PRR5L: variants seen among roughly 807,000 people sequenced by gnomAD.
PRR5L encodes the protein proline-rich protein 5-like.
A neutral mutation model predicts 36.4 loss-of-function variants in PRR5L; 21 were observed. The observed-to-expected ratio is 0.58, with a 90% CI of 0.41 to 0.83. The LOEUF (loss-of-function observed/expected upper bound fraction) is 0.83, where lower values mean the gene tolerates loss of function less well. PRR5L is among the 40% of genes least tolerant of loss of function. The pLI is 0.00. For missense variants in PRR5L, 381 were observed against 473.3 expected, an observed-to-expected ratio of 0.80 and a Z score of 1.81; for synonymous variants, 188 against 197.0, an observed-to-expected ratio of 0.95 and a Z score of 0.38.
At chr11:36,435,593 G>T (rs1403547874) in intron 5 of PRR5L, among the ~76,000 whole-genome samples, 1 of 152,172 alleles carries the variant, frequency 6.6e-6, no homozygotes, top group African/African-American at 2.4e-5. Flanking sequence ...GACAGAGAAT[G>T]GTGACTGAAA....
chr11:36,374,993 G>A (rs1005497587), intron 1 of PRR5L, among the ~76,000 whole-genome samples: 2 of 152,106 alleles, frequency 1.3e-5, no homozygotes, highest in African/African-American at 4.8e-5. Flanking sequence ...CCAGCTCTTT[G>A]GGAGGCCGAG....
intron 1 of PRR5L, among the ~76,000 whole-genome samples, chr11:36,326,785 C>T (rs1164436842): frequency 6.6e-6 from 1 of 151,508 alleles, no homozygotes; most frequent in Non-Finnish European, 1.5e-5. Flanking sequence ...TAAATGCCAC[C>T]TGGAAAATAT....
intron 1 of PRR5L, among the ~76,000 whole-genome samples, chr11:36,347,545 G>A (rs1299073987): frequency 6.6e-6 from 1 of 152,084 alleles, no homozygotes; most frequent in Non-Finnish European, 1.5e-5. Context: ...GATGTTTGCT[G>A]AAGACAGAGA....
intron 8 of PRR5L, among the ~76,000 whole-genome samples, chr11:36,457,106 G>A (rs560494006): frequency 2.0e-5 from 3 of 152,166 alleles, no homozygotes; most frequent in Non-Finnish European, 2.9e-5. Context: ...TGGGACCTGC[G>A]GAAATCATCT....
rs539496139 is a variant in PRR5L at position 36,303,892 on chromosome 11, TCTGTTAA to T, written c.-126+7458_-126+7464del. 2.8e-4 allele frequency among the ~76,000 whole-genome samples: 42 copies of T among 152,350 alleles called. No individual in the cohort carries two copies. The South Asian group carries it at 8.7e-3, about 32-fold the overall frequency. On this transcript the variant is annotated intron_variant, in intron 1 of 8. Transcript: ENST00000530639. ...ACTGCTAGCAACCCAACATTGGATT[TCTGTTAA>T]CTGAAAGAGTGGCTTATTGATCAGG...
intron 7 of PRR5L, among the ~76,000 whole-genome samples, chr11:36,450,983 G>A (rs1024437893): frequency 6.6e-6 from 1 of 152,246 alleles, no homozygotes; most frequent in African/African-American, 2.4e-5. Flanking sequence ...GGCCCAGTGG[G>A]AGAGGCTGCT....
chr11:36,343,918 T>TA (rs958825356), intron 1 of PRR5L, among the ~76,000 whole-genome samples: 1 of 151,802 alleles, frequency 6.6e-6, no homozygotes, highest in African/African-American at 2.4e-5. Flanking sequence ...TTTTTTTTTT[T>TA]AAAATATCAC....
chr11:36,350,936 A>ATT (rs1856925891), intron 1 of PRR5L, among the ~76,000 whole-genome samples: 2 of 34,082 alleles, frequency 5.9e-5, no homozygotes, highest in South Asian at 8.2e-4. Flanking sequence ...ATATTTATAT[A>ATT]TTTATATATA....
intron 1 of PRR5L, among the ~76,000 whole-genome samples, chr11:36,354,221 C>T (rs1857003734): frequency 6.6e-6 from 1 of 152,198 alleles, no homozygotes. Context: ...TAAGATAATA[C>T]ATGTGAAGCT....
intron 3 of PRR5L, among the ~76,000 whole-genome samples, chr11:36,409,200 GT>G (rs1380893267): frequency 1.3e-5 from 2 of 152,174 alleles, no homozygotes; most frequent in Admixed American, 1.3e-4. Flanking sequence ...AGGATCTAAC[GT>G]TCTTGCCACC....
chr11:36,332,645 TG>T (rs1402220343), intron 1 of PRR5L, among the ~76,000 whole-genome samples: 1 of 152,172 alleles, frequency 6.6e-6, no homozygotes, highest in Non-Finnish European at 1.5e-5. Context: ...GTTTTGGTCA[TG>T]GGAGTGGACC....
chr11:36,422,856 TG>T (rs1858299124), intron 4 of PRR5L, among the ~76,000 whole-genome samples: 1 of 152,166 alleles, frequency 6.6e-6, no homozygotes, highest in South Asian at 2.1e-4. Context: ...GAAGGAAAAT[TG>T]GGGTTTCCGA....
intron 1 of PRR5L, among the ~76,000 whole-genome samples, chr11:36,304,762 C>T (rs1234592838): frequency 6.6e-6 from 1 of 152,118 alleles, no homozygotes; most frequent in Non-Finnish European, 1.5e-5. Context: ...CTCATCTGTA[C>T]ATTGAAAGTC....
At chr11:36,427,316 G>T (rs1244469748) in intron 4 of PRR5L, among the ~76,000 whole-genome samples, 1 of 152,072 alleles carries the variant, frequency 6.6e-6, no homozygotes, top group African/African-American at 2.4e-5. Context: ...GTAACAATGG[G>T]CCCAGTTCCA....
At chr11:36,296,597 G>A (rs1856314207) in intron 1 of PRR5L, among the ~76,000 whole-genome samples, 159 bp downstream of exon 1, 1 of 152,174 alleles carries the variant, frequency 6.6e-6, no homozygotes. Flanking sequence ...AGCAACAGAG[G>A]TCAAGTTCAG....
chr11:36,374,089 CCTTCCTTCCTTCCTTCCT>C (rs1441047564), intron 1 of PRR5L, among the ~76,000 whole-genome samples: 15 of 118,124 alleles, frequency 1.3e-4, no homozygotes, highest in African/African-American at 4.5e-4. Flanking sequence ...TTCCTTCCTT[CCTTCCTTCCTTCCTTCCT>C]CTCTCTCTCT....
chr11:36,332,125 CT>C (rs1437474590), intron 1 of PRR5L, among the ~76,000 whole-genome samples: 1 of 152,068 alleles, frequency 6.6e-6, no homozygotes, highest in Non-Finnish European at 1.5e-5. Flanking sequence ...TTTATCCCCC[CT>C]GGATTTGAAG....
chr11:36,409,622 G>A (rs1027208618), intron 3 of PRR5L, among the ~76,000 whole-genome samples: 4 of 152,236 alleles, frequency 2.6e-5, no homozygotes, highest in African/African-American at 9.6e-5. Flanking sequence ...GGGGACGGGA[G>A]GAAGGTGAGC....
At chr11:36,354,484 T>A (rs916844793) in intron 1 of PRR5L, among the ~76,000 whole-genome samples, 3 of 152,220 alleles carry the variant, frequency 2.0e-5, no homozygotes, top group Non-Finnish European at 2.9e-5. Flanking sequence ...TCATAAAGTT[T>A]ACTAAGCCTG....
Sources: allele counts gnomAD v4.1 joint callset (sites outside exome capture counted in the v4.1 genomes callset), GRCh38; gene constraint gnomAD v4.1.1; transcripts MANE v1.5; gene names NCBI Gene and HGNC (gene_info 2026-07-23, HGNC 2026-07-21).